Variants in ZER1 observed in about 807,000 individuals in gnomAD.
ZER1 encodes the protein protein zer-1 homolog.
Under a neutral mutation model 78.8 loss-of-function variants are expected in ZER1, and 11 were observed. The observed-to-expected ratio is 0.14, with a 90% CI of 0.09 to 0.23. The LOEUF (loss-of-function observed/expected upper bound fraction) is 0.23. Among genes scored for constraint, ZER1 ranks in the 10% least tolerant of loss-of-function variants. ZER1 has a pLI of 1.00. For synonymous variants in ZER1, 400 were observed against 407.0 expected, an observed-to-expected ratio of 0.98 and a Z score of 0.21; for missense variants, 588 against 996.9, an observed-to-expected ratio of 0.59 and a Z score of 5.52.
In ZER1 at chr9:128,761,847, G is replaced by A. The variant is rs892708368; in HGVS notation, c.-94-6188C>T. Reference sequence around the variant, plus strand: ...TCTCGAACTCCTGACCTTGTGATCCGCCCGCCTCAGCCTCCCAAAATGTTG... The same window carrying A: ...TCTCGAACTCCTGACCTTGTGATCCACCCGCCTCAGCCTCCCAAAATGTTG... On this transcript the variant is annotated intron_variant, in intron 1 of 15. Coordinates refer to ENST00000291900, the MANE Select transcript of ZER1 (RefSeq NM_006336.4). Among the ~76,000 whole-genome samples, 5 of 151,748 alleles carry A rather than the reference G, an allele frequency of 3.3e-5. No individual in the cohort carries two copies. The East Asian group carries it at 5.8e-4, about 18-fold the overall frequency.
At chr9:128,731,779 C>T (rs941674587) in intron 15 of ZER1, among the ~76,000 whole-genome samples, 1 of 152,210 alleles carries the variant, frequency 6.6e-6, no homozygotes, top group Non-Finnish European at 1.5e-5. Context: ...TCCAGAAGTC[C>T]ACCAGTGGTC....
chr9:128,767,281 C>T (rs1234373151), intron 1 of ZER1, among the ~76,000 whole-genome samples: 3 of 151,942 alleles, frequency 2.0e-5, no homozygotes, highest in African/African-American at 7.3e-5. Flanking sequence ...GGGTCTCACT[C>T]TGTCACCCAG....
intron 8 of ZER1, among the ~76,000 whole-genome samples, chr9:128,745,107 T>A (rs1369617983): frequency 1.3e-5 from 2 of 152,100 alleles, no homozygotes; most frequent in Non-Finnish European, 2.9e-5. Flanking sequence ...CAGTTTACAC[T>A]CCTACCAGCA....
chr9:128,742,865 G>T, intron 8 of ZER1, 120 bp from the exon 9 acceptor site: 1 of 991,618 alleles, frequency 1.0e-6, no homozygotes, highest in Non-Finnish European at 1.5e-6. Context: ...CGGTTTTCTG[G>T]AAGAGGAGGC....
In ZER1 at chr9:128,730,100, GA is replaced by G; in HGVS notation, c.*1236del. 1 of 152,772 alleles carries G rather than the reference GA, an allele frequency of 6.5e-6. No homozygotes were observed. 9.5% of individuals were successfully genotyped at this position (152,772 alleles called of 1,614,324 possible). On this transcript the variant is annotated 3_prime_UTR_variant, in exon 16 of 16. Transcript: ENST00000291900. ...ACACCTGAAAACAGGCCCGCGGGAGGAAAAGGGAAGAAAAAGCCATCACCCA... is the reference window on the plus strand; with the variant it reads ...ACACCTGAAAACAGGCCCGCGGGAGGAAAGGGAAGAAAAAGCCATCACCCA...
At chr9:128,750,850 G>C in intron 7 of ZER1, 61 bp from the exon 8 acceptor site, 3 of 1,600,856 alleles carry the variant, frequency 1.9e-6, no homozygotes, top group Non-Finnish European at 2.6e-6. Context: ...GGCTCTGCAA[G>C]GGGCTGGAAC....
At chr9:128,736,684 T>C (rs1863095898) in intron 13 of ZER1, among the ~76,000 whole-genome samples, 1 of 150,774 alleles carries the variant, frequency 6.6e-6, no homozygotes, top group African/African-American at 2.4e-5. Flanking sequence ...TTTTTTTTTT[T>C]TTTTTGGAGA....
chr9:128,753,711 T>C lies in ZER1; in HGVS notation c.309+98A>G, dbSNP rs2132450786. 6.4e-7 allele frequency: 1 copy of C among 1,560,606 alleles called. No individual in the cohort carries two copies. The highest frequency in any genetic ancestry group is 8.7e-7 in the Non-Finnish European group (1 of 1,153,688). Reference sequence around the variant, plus strand: ...GAAAGGGGGATGTGCACAGTCACGGTGCACACTGGCTGGGCTGGGGATGGC... The same window carrying C: ...GAAAGGGGGATGTGCACAGTCACGGCGCACACTGGCTGGGCTGGGGATGGC... On this transcript the variant is annotated intron_variant, in intron 3 of 15. Transcript: ENST00000291900. The surrounding 1 kb of genome is among the most constrained non-coding windows in gnomAD (Gnocchi z 7.5).
At chr9:128,768,443 AAGG>A (rs1864282827) in intron 1 of ZER1, among the ~76,000 whole-genome samples, 1 of 152,142 alleles carries the variant, frequency 6.6e-6, no homozygotes, top group Non-Finnish European at 1.5e-5. Flanking sequence ...GAGGCAAGGG[AAGG>A]CCATTATTCT....
At chr9:128,746,736 A>G (rs1863505440) in intron 8 of ZER1, among the ~76,000 whole-genome samples, 1 of 152,050 alleles carries the variant, frequency 6.6e-6, no homozygotes, top group South Asian at 2.1e-4. Context: ...CCTGGGTTCA[A>G]GAGATTCTCC....
intron 9 of ZER1, among the ~76,000 whole-genome samples, chr9:128,742,045 G>A (rs370212230): frequency 3.9e-5 from 6 of 152,212 alleles, no homozygotes; most frequent in Admixed American, 2.0e-4. Context: ...CCCGGGTGCC[G>A]TTCCTGGCCC....
chr9:128,744,339 G>A (rs190239721), intron 8 of ZER1, among the ~76,000 whole-genome samples: 17 of 150,990 alleles, frequency 1.1e-4, no homozygotes, highest in Admixed American at 1.1e-3. Flanking sequence ...TTATAGGTGC[G>A]TGCTACCATG....
At position 128,755,308 on chromosome 9, in the gene ZER1, TC is replaced by T. The variant is rs1863820767; in HGVS notation, c.158+99del. ...ACACACACACACCCTCACACATTCA[TC>T]TCCATAGCTACTCCCCACATAGTGC... is the stretch of plus-strand genomic sequence containing the variant. On this transcript the variant is annotated intron_variant, in intron 2 of 15. Transcript: ENST00000291900. This position sits in a 1 kb window ranked among gnomAD's most constrained non-coding sequence, Gnocchi z 5.6. The T allele has an allele frequency of 2.0e-5, 30 of 1,508,982 alleles. 1 individual carries two copies. In the South Asian group the frequency reaches 3.2e-4, roughly 16 times the overall value. 93.5% of individuals were successfully genotyped at this position (1,508,982 alleles called of 1,614,324 possible).
chr9:128,759,983 G>A (rs558537780), intron 1 of ZER1, among the ~76,000 whole-genome samples: 1 of 152,006 alleles, frequency 6.6e-6, no homozygotes, highest in Admixed American at 6.6e-5. Context: ...GGGCTCAAGC[G>A]ATCCTCCCAC....
rs1220785593 is a variant in ZER1, at chr9:128,734,144, A to AATATAT, written c.2141-622_2141-617dup. 4.0e-3 allele frequency among the ~76,000 whole-genome samples: 58 copies of AATATAT among 14,414 alleles called. 1 individual carries two copies. Among genetic ancestry groups the AATATAT allele is most frequent in the African/African-American group, 9.8e-3 (52 of 5,328 alleles). The allele number at this position is 14,414 out of a possible 152,430, so 9.5% of individuals were successfully genotyped here. A position where few individuals can be genotyped will look rare whatever the true frequency, so the allele number is the denominator to read the frequency against. On this transcript the variant is annotated intron_variant, in intron 14 of 15. Coordinates refer to ENST00000291900, the MANE Select transcript of ZER1 (RefSeq NM_006336.4). The stretch of plus-strand genomic sequence containing the variant: ...CTCCGTCTCAAAAAAAAAAAAAAAA[A>AATATAT]ATATATATATATATATATAAAATCT...
At chr9:128,748,655 T>A (rs1036096016) in intron 8 of ZER1, among the ~76,000 whole-genome samples, 3 of 151,684 alleles carry the variant, frequency 2.0e-5, no homozygotes, top group African/African-American at 7.2e-5. Flanking sequence ...CACTGCAACC[T>A]CTACCTCCTG....
intron 8 of ZER1, among the ~76,000 whole-genome samples, chr9:128,746,307 G>A (rs1863488707): frequency 6.6e-6 from 1 of 152,190 alleles, no homozygotes; most frequent in Non-Finnish European, 1.5e-5. Context: ...GACAGGGTGT[G>A]AGGGTGCTCT....
In ZER1 at chr9:128,751,431, C is replaced by T. The variant is rs111953295; in HGVS notation, c.1020G>A (p.Thr340=). The T allele has an allele frequency of 6.0e-4, 961 of 1,614,086 alleles. 2 individuals are homozygous for T. The African/African-American group carries it at 0.011, about 19-fold the overall frequency. The change falls in exon 6 of 16, where the codon ACG becomes ACA. Residue 340 remains threonine (T), a synonymous_variant. Coordinates refer to ENST00000291900, the MANE Select transcript of ZER1 (RefSeq NM_006336.4). This position sits in a 1 kb window ranked among gnomAD's most constrained non-coding sequence, Gnocchi z 5.4. The part of the protein sequence containing the change: ...GLFENSLCRL[T]HIPAYKVSGD... ...TGCTCACTTTGTAGGCTGGAATGTG[C>T]GTGAGGCGGCACAGAGAGTTCTCAA...
chr9:128,753,360 G>A lies in ZER1; in HGVS notation c.550C>T (p.Arg184Cys), dbSNP rs372580373. Reference sequence around the variant, plus strand: ...TCCACAGGGACCCAATCAATCATGCGGCCCAAGTTGAGGAAGCGGAGGCGG... The same window carrying A: ...TCCACAGGGACCCAATCAATCATGCAGCCCAAGTTGAGGAAGCGGAGGCGG... ...FSRLRFLNLGRMIDWVPVESL... is the reference protein window; with the variant it reads ...FSRLRFLNLGCMIDWVPVESL... The change falls in exon 4 of 16, where the codon CGC (arginine) becomes TGC (cysteine). Residue 184 changes from arginine (R) to cysteine (C), a missense_variant. Physicochemically the swap from Arg to Cys is radical, Grantham distance 180. Around this residue, in one of 3 missense-constraint regions of ZER1, gnomAD observed 406 missense variants for 660.1 expected, o/e 0.62. Coordinates refer to ENST00000291900, the MANE Select transcript of ZER1 (RefSeq NM_006336.4). This position sits in a 1 kb window ranked among gnomAD's most constrained non-coding sequence, Gnocchi z 7.5. 6.8e-6 allele frequency: 11 copies of A among 1,613,768 alleles called. No homozygotes were observed. Among genetic ancestry groups the A allele is most frequent in the South Asian group, 2.2e-5 (2 of 90,972 alleles).
Sources: allele counts gnomAD v4.1 joint callset (sites outside exome capture counted in the v4.1 genomes callset), GRCh38; gene constraint gnomAD v4.1.1; regional missense constraint gnomAD v4.1.1; non-coding constraint Gnocchi (gnomAD v3.1); transcripts MANE v1.5; gene names NCBI Gene and HGNC (gene_info 2026-07-23, HGNC 2026-07-21).